The following GRIP1 variants were observed in gnomAD, a reference collection of about 807,000 sequenced individuals.
The protein encoded by GRIP1 is glutamate receptor-interacting protein 1.
GRIP1 carries 45 observed loss-of-function variants against 129.9 expected under a neutral mutation model. The ratio of observed to expected loss-of-function variants is 0.35; its 90% CI spans 0.27 to 0.44. The LOEUF (loss-of-function observed/expected upper bound fraction) is 0.44, where lower values mean the gene tolerates loss of function less well. Ranked by LOEUF, GRIP1 falls within the 20% of genes least tolerant of loss-of-function variation. The pLI is 1.00. For missense variants in GRIP1, 1,196 were observed against 1,396.8 expected (o/e 0.86, Z 2.29); for synonymous variants, 530 against 520.8 (o/e 1.02, Z -0.24).
intron 1 of GRIP1, among the ~76,000 whole-genome samples, chr12:66,968,448 G>A (rs2137562577): frequency 6.6e-6 from 1 of 151,654 alleles, no homozygotes; most frequent in Non-Finnish European, 1.5e-5. Flanking sequence ...CTCCCCTCTT[G>A]TTCTTCTTTC....
intron 1 of GRIP1, among the ~76,000 whole-genome samples, chr12:66,696,927 A>T (rs755806782): frequency 2.0e-5 from 3 of 152,204 alleles, no homozygotes; most frequent in Non-Finnish European, 2.9e-5. Flanking sequence ...CTTGTTGAAT[A>T]AATGACTGAA....
At chr12:66,912,893 A>G (rs1169939944) in intron 1 of GRIP1, among the ~76,000 whole-genome samples, 1 of 152,160 alleles carries the variant, frequency 6.6e-6, no homozygotes, top group African/African-American at 2.4e-5. Flanking sequence ...TGGCTGTTAC[A>G]GGATATAGAT....
At chr12:66,983,764 AC>A (rs1390091191) in intron 1 of GRIP1, among the ~76,000 whole-genome samples, 6 of 152,274 alleles carry the variant, frequency 3.9e-5, no homozygotes, top group Admixed American at 1.3e-4. Context: ...CATCTGTGTA[AC>A]CTACAGGGTA....
chr12:66,941,162 TA>T (rs35447940), intron 1 of GRIP1, among the ~76,000 whole-genome samples: 28,475 of 147,938 alleles, frequency 0.19, 3,172 homozygotes, highest in South Asian at 0.26. Context: ...TTCATGTGAT[TA>T]AAAAAAAAAA....
intron 1 of GRIP1, among the ~76,000 whole-genome samples, chr12:66,827,399 A>T (rs1286732614): frequency 5.9e-5 from 9 of 151,476 alleles, no homozygotes; most frequent in African/African-American, 9.7e-5. Context: ...AGAGAGAGAG[A>T]GAGAGAGAGA....
At chr12:66,859,085 C>T (rs985173425) in intron 1 of GRIP1, among the ~76,000 whole-genome samples, 2 of 151,682 alleles carry the variant, frequency 1.3e-5, no homozygotes, top group Non-Finnish European at 1.5e-5. Context: ...TACCCTACAC[C>T]ACACTTTGCA....
At chr12:67,019,598 C>T (rs1049153686) in intron 1 of GRIP1, among the ~76,000 whole-genome samples, 1 of 152,096 alleles carries the variant, frequency 6.6e-6, no homozygotes, top group Admixed American at 6.6e-5. Context: ...ATCTTCCCAG[C>T]CAGAGAGATA....
intron 1 of GRIP1, among the ~76,000 whole-genome samples, chr12:66,895,786 A>C (rs1287528030): frequency 6.6e-6 from 1 of 152,226 alleles, no homozygotes; most frequent in Non-Finnish European, 1.5e-5. Flanking sequence ...AAGATGAGGA[A>C]GTTATATACA....
At chr12:66,895,809 C>G (rs1035409246) in intron 1 of GRIP1, among the ~76,000 whole-genome samples, 2 of 152,194 alleles carry the variant, frequency 1.3e-5, no homozygotes, top group Non-Finnish European at 2.9e-5. Context: ...CCATAGTACA[C>G]TGTGTTTCTT....
At chr12:66,785,859 A>G (rs2038325603) in intron 1 of GRIP1, among the ~76,000 whole-genome samples, 1 of 151,978 alleles carries the variant, frequency 6.6e-6, no homozygotes. Flanking sequence ...AGGTGGGAGG[A>G]TTGCTTGAGG....
chr12:66,744,352 A>G (rs2036880544), intron 1 of GRIP1, among the ~76,000 whole-genome samples: 1 of 151,884 alleles, frequency 6.6e-6, no homozygotes, highest in South Asian at 2.1e-4. Flanking sequence ...TTTTTTCTGC[A>G]ATTATTAGCC....
chr12:66,856,077 A>T (rs958245845), intron 1 of GRIP1, among the ~76,000 whole-genome samples: 1 of 152,074 alleles, frequency 6.6e-6, no homozygotes, highest in South Asian at 2.1e-4. Context: ...TTAAATCAAA[A>T]GTGAAACCAT....
At chr12:66,487,472 C>A (rs1381510079) in intron 7 of GRIP1, among the ~76,000 whole-genome samples, 1 of 152,104 alleles carries the variant, frequency 6.6e-6, no homozygotes, top group Non-Finnish European at 1.5e-5. Flanking sequence ...GCAAGAGCTC[C>A]TAAATATGGA....
At chr12:66,472,502 T>C (rs1415312692) in intron 7 of GRIP1, among the ~76,000 whole-genome samples, 1 of 152,180 alleles carries the variant, frequency 6.6e-6, no homozygotes, top group African/African-American at 2.4e-5. Flanking sequence ...GTCAAAATGC[T>C]TACAAAAATA....
intron 1 of GRIP1, among the ~76,000 whole-genome samples, chr12:66,817,943 C>T (rs1159594559): frequency 6.6e-6 from 1 of 152,062 alleles, no homozygotes; most frequent in African/African-American, 2.4e-5. Context: ...GTTATTTGAA[C>T]AGAGTATAGA....
chr12:66,743,776 T>C (rs1490239007), intron 1 of GRIP1, among the ~76,000 whole-genome samples: 7 of 152,102 alleles, frequency 4.6e-5, no homozygotes, highest in African/African-American at 1.7e-4. Context: ...AATTAATCAA[T>C]TTTCTATTCA....
intron 1 of GRIP1, among the ~76,000 whole-genome samples, chr12:66,870,139 C>T (rs921433739): frequency 6.6e-6 from 1 of 152,040 alleles, no homozygotes; most frequent in Non-Finnish European, 1.5e-5. Context: ...AGAACCATCG[C>T]TTTAAAATGA....
chr12:66,784,272 G>A (rs550297230), intron 1 of GRIP1, among the ~76,000 whole-genome samples: 1 of 152,088 alleles, frequency 6.6e-6, no homozygotes, highest in South Asian at 2.1e-4. Flanking sequence ...TAATTGATAG[G>A]GCCTGCTTTC....
chr12:66,660,749 A>T (rs910314653), intron 1 of GRIP1, among the ~76,000 whole-genome samples: 1 of 152,104 alleles, frequency 6.6e-6, no homozygotes, highest in African/African-American at 2.4e-5. Flanking sequence ...TTATTCAGAT[A>T]TTTATATTTA....
Sources: allele counts gnomAD v4.1 joint callset (sites outside exome capture counted in the v4.1 genomes callset), GRCh38; gene constraint gnomAD v4.1.1; transcripts MANE v1.5; gene names NCBI Gene and HGNC (gene_info 2026-07-23, HGNC 2026-07-21).